DNAH17: variants seen among roughly 807,000 people sequenced by gnomAD.
DNAH17 encodes axonemal beta dynein heavy chain 17.
A neutral mutation model predicts 485.6 loss-of-function variants in DNAH17; 376 were observed. The observed-to-expected ratio is 0.77, with a 90% CI of 0.71 to 0.84. The LOEUF is 0.84. Among genes scored for constraint, DNAH17 ranks in the 40% least tolerant of loss-of-function variants. DNAH17 has a pLI of 0.00. For missense variants in DNAH17, 6,370 were observed against 5,839.3 expected (o/e 1.09, Z -2.96); for synonymous variants, 3,031 against 2,405.9 (o/e 1.26, Z -7.60).
chr17:78,472,480 A>T (rs1209994263), intron 54 of DNAH17, among the ~76,000 whole-genome samples: 5 of 151,866 alleles, frequency 3.3e-5, no homozygotes, highest in African/African-American at 1.2e-4. Context: ...GCTGGCGGGG[A>T]GGCGGGGACC....
At chr17:78,491,319 C>G in intron 43 of DNAH17, 124 bp downstream of exon 43, 1 of 1,385,160 alleles carries the variant, frequency 7.2e-7, no homozygotes, top group Non-Finnish European at 9.7e-7. Context: ...CTGTGGAGAT[C>G]CAGACACGCC....
intron 62 of DNAH17, 73 bp from the exon 63 acceptor site, chr17:78,455,909 T>C: frequency 8.0e-7 from 1 of 1,257,290 alleles, no homozygotes; most frequent in African/African-American, 1.6e-5. Flanking sequence ...CCTCCACCTC[T>C]GCACCTCTGT....
Position 78,428,522 on chromosome 17 carries a change from T to C in DNAH17, c.12588+3A>G. ...CGCTTGGGAGCAGTTTCAAAGATCC[T>C]GCCTTCTCCTCGCGGGACACTCCCG... On this transcript the variant is annotated splice_donor_region_variant and intron_variant, in intron 77 of 80. Transcript: ENST00000389840. 6.3e-7 allele frequency: 1 copy of C among 1,594,870 alleles called. No homozygotes were observed. Among genetic ancestry groups the C allele is most frequent in the Admixed American group, 1.8e-5 (1 of 56,272 alleles).
chr17:78,433,880 T>C (rs1374125338), intron 75 of DNAH17, 149 bp downstream of exon 75: 5 of 604,792 alleles, frequency 8.3e-6, no homozygotes, highest in Non-Finnish European at 1.3e-5. Flanking sequence ...ACCTACTTGA[T>C]GTCTTTTAAG....
intron 63 of DNAH17, among the ~76,000 whole-genome samples, chr17:78,455,291 G>A (rs1295011830): frequency 1.3e-5 from 2 of 151,740 alleles, no homozygotes; most frequent in Non-Finnish European, 2.9e-5. Flanking sequence ...CTGCCCTGCT[G>A]GGACCTCCCC....
chr17:78,545,301 G>A (rs568321418), intron 16 of DNAH17, among the ~76,000 whole-genome samples: 3 of 152,270 alleles, frequency 2.0e-5, no homozygotes, highest in African/African-American at 4.8e-5. Flanking sequence ...TTGCTTCATG[G>A]TCAGAAAAAC....
rs2090741726 is a variant in DNAH17 at position 78,514,958 on chromosome 17, T to G, written c.3929A>C (p.Asp1310Ala). The G allele has an allele frequency of 5.6e-6, 9 of 1,614,048 alleles. No homozygotes were observed. Among genetic ancestry groups the G allele is most frequent in the Middle Eastern group, 1.6e-4 (1 of 6,062 alleles). Residue 1310 changes from aspartate (D) to alanine (A), a missense_variant, in exon 26 of 81, where the codon GAC (aspartate) becomes GCC (alanine). Asp to Ala is a moderately radical substitution (Grantham distance 126). Transcript: ENST00000389840. The part of the protein sequence containing the change: ...KWKDINVEQM[D>A]IDCKKFAKDM... Reference sequence around the variant, plus strand: ...CTTGGCAAACTTCTTACAATCTATGTCCATCTGCTCAACGTTGATATCTTT... The same window carrying G: ...CTTGGCAAACTTCTTACAATCTATGGCCATCTGCTCAACGTTGATATCTTT...
chr17:78,505,816 T>C (rs1053022689), intron 30 of DNAH17, among the ~76,000 whole-genome samples: 33 of 151,930 alleles, frequency 2.2e-4, no homozygotes, highest in Non-Finnish European at 3.5e-4. Flanking sequence ...CCATCTCTAC[T>C]AAAAATACAA....
At chr17:78,465,664 G>A (rs1270113276) in intron 56 of DNAH17, among the ~76,000 whole-genome samples, 121 of 146,214 alleles carry the variant, frequency 8.3e-4, no homozygotes, top group Non-Finnish European at 1.4e-3. Flanking sequence ...TGGCCGCCCC[G>A]TCTGAGAAGT....
chr17:78,569,334 A>ACTCGTCCTGCCTTGGCC (rs746473869), intron 8 of DNAH17, 41 bp downstream of exon 8: 1 of 1,608,360 alleles, frequency 6.2e-7, no homozygotes, highest in Non-Finnish European at 8.5e-7. Context: ...ATATGAACTC[A>ACTCGTCCTGCCTTGGCC]CTCGTCCTGC....
chr17:78,558,714 G>A (rs2092086561), intron 13 of DNAH17, among the ~76,000 whole-genome samples: 1 of 152,186 alleles, frequency 6.6e-6, no homozygotes, highest in Non-Finnish European at 1.5e-5. Context: ...CAAGTGGTTT[G>A]GAGTAAGACT....
At chr17:78,457,747 G>A (rs761267008) in intron 62 of DNAH17, among the ~76,000 whole-genome samples, 1 of 138,602 alleles carries the variant, frequency 7.2e-6, no homozygotes, top group South Asian at 2.5e-4. Flanking sequence ...TGCAACCTCC[G>A]CCTCCTGGGT....
chr17:78,528,222 G>GCA (rs1213608410), intron 22 of DNAH17, among the ~76,000 whole-genome samples: 5 of 152,156 alleles, frequency 3.3e-5, no homozygotes, highest in Admixed American at 6.5e-5. Flanking sequence ...GTGGCTTGGA[G>GCA]CACCTCAGGG....
At chr17:78,547,543 C>T (rs1333963209) in intron 16 of DNAH17, among the ~76,000 whole-genome samples, 4 of 152,118 alleles carry the variant, frequency 2.6e-5, no homozygotes, top group South Asian at 2.1e-4. Flanking sequence ...TTGACCACCA[C>T]ACTCAGGCCT....
At chr17:78,561,240 C>T (rs543941533) in intron 12 of DNAH17, among the ~76,000 whole-genome samples, 7 of 152,166 alleles carry the variant, frequency 4.6e-5, no homozygotes, top group African/African-American at 1.7e-4. Context: ...CCCTTCCAAC[C>T]TGGGGCCAAC....
Position 78,570,252 on chromosome 17 carries a change from C to A in DNAH17, c.1039G>T (p.Glu347Ter). The part of the protein sequence containing the change: ...ILQEFCNQII[E>*]MTRTFLSPEE... Reference sequence around the variant, plus strand: ...AGGGGCCAGGGGAGGGTTACCATCTCGATGATTTGGTTGCAGAACTCCTGC... The same window carrying A: ...AGGGGCCAGGGGAGGGTTACCATCTAGATGATTTGGTTGCAGAACTCCTGC... The change falls in exon 7 of 81, where the codon GAG becomes TAG. Residue 347 changes from glutamate (E) to a stop codon, truncating the protein, a stop_gained. Coordinates refer to ENST00000389840, the MANE Select transcript of DNAH17 (RefSeq NM_173628.4). LOFTEE classifies it high-confidence loss of function. The A allele has an allele frequency of 6.3e-7, 1 of 1,582,990 alleles. No homozygotes were observed. Among genetic ancestry groups the A allele is most frequent in the South Asian group, 1.2e-5 (1 of 86,266 alleles).
chr17:78,428,926 A>T, intron 76 of DNAH17, among the ~76,000 whole-genome samples, 195 bp downstream of exon 76: 1 of 105,282 alleles, frequency 9.5e-6, no homozygotes, highest in Admixed American at 9.2e-5. Context: ...TCTTTCTTTA[A>T]AAAAAAAAAA....
Position 78,430,463 on chromosome 17 carries a change from T to G in DNAH17, c.12226-1163A>C, listed in dbSNP as rs573771510. On this transcript the variant is annotated intron_variant, in intron 75 of 80. Transcript: ENST00000389840. Reference sequence around the variant, plus strand: ...GATGTTTTCATAACATCACTTCCACTGTGCGCTGGCCGGAAGAGCTGTCAT... The same window carrying G: ...GATGTTTTCATAACATCACTTCCACGGTGCGCTGGCCGGAAGAGCTGTCAT... Among the ~76,000 whole-genome samples, 21 of 152,346 alleles carry G rather than the reference T, an allele frequency of 1.4e-4. No individual in the cohort carries two copies. The South Asian group carries it at 3.9e-3, about 29-fold the overall frequency.
chr17:78,486,986 CT>C (rs200078316), intron 44 of DNAH17, among the ~76,000 whole-genome samples: 30,203 of 127,544 alleles, frequency 0.24, 3,400 homozygotes, highest in East Asian at 0.28. Flanking sequence ...CCCCTTGGTG[CT>C]TTTTTTTTTT....
Sources: allele counts gnomAD v4.1 joint callset (sites outside exome capture counted in the v4.1 genomes callset), GRCh38; gene constraint gnomAD v4.1.1; transcripts MANE v1.5; gene names NCBI Gene and HGNC (gene_info 2026-07-23, HGNC 2026-07-21).